MAK16: variants seen among roughly 807,000 people sequenced by gnomAD.
MAK16 encodes the protein MAK16 homolog, also known as protein MAK16 homolog.
MAK16 carries 12 observed loss-of-function variants against 49.9 expected under a neutral mutation model. The observed-to-expected ratio is 0.24, with a 90% CI of 0.15 to 0.39. The LOEUF (loss-of-function observed/expected upper bound fraction) is 0.39, where lower values mean the gene tolerates loss of function less well. Ranked by LOEUF, MAK16 falls within the 10% of genes least tolerant of loss-of-function variation. The probability of loss-of-function intolerance (pLI) is 1.00; values close to 1 mark genes in which losing one functional copy is unlikely to be tolerated. For missense variants in MAK16, 292 were observed against 363.7 expected (o/e 0.80, Z 1.60); for synonymous variants, 115 against 126.4 (o/e 0.91, Z 0.60).
At chr8:33,490,382 C>T (rs749230182) in intron 6 of MAK16, 43 bp downstream of exon 6, 3 of 1,532,308 alleles carry the variant, frequency 2.0e-6, no homozygotes, top group Admixed American at 1.7e-5. Flanking sequence ...CATTTTCTTT[C>T]TGGGGGTCTC....
intron 1 of MAK16, chr8:33,485,658 C>A (rs1050201889): frequency 4.7e-6 from 1 of 211,284 alleles, no homozygotes; most frequent in Admixed American, 5.2e-5. Context: ...ATTTGCTCTA[C>A]TTCTGCCTAA....
rs369140056 is a variant in MAK16, at chr8:33,490,320, G to T, written c.428G>T (p.Arg143Leu). The T allele has an allele frequency of 1.2e-6, 2 of 1,612,922 alleles. No homozygotes were observed. The highest frequency in any genetic ancestry group is 1.7e-6 in the Non-Finnish European group (2 of 1,179,094). ...KLVPLSKKVERREKRREEKAL... is the reference protein window; with the variant it reads ...KLVPLSKKVELREKRREEKAL... ...GTTCCTTTGAGTAAGAAGGTGGAGC[G>T]TAGGGAGAAAAGAAGAGAGGTAACT... is the stretch of plus-strand genomic sequence containing the variant. The change falls in exon 6 of 10, where the codon CGT becomes CTT. Residue 143 changes from arginine (R) to leucine (L), a missense_variant. Coordinates refer to ENST00000360128, the MANE Select transcript of MAK16 (RefSeq NM_032509.4).
Position 33,499,190 on chromosome 8 carries a change from G to A in MAK16, c.*561G>A, listed in dbSNP as rs1227224378. Reference sequence around the variant, plus strand: ...TACAAGTCTTAAGTTCCATTGTAGGGTGCGCCTTCAGAAACCTGCTGCACT... The same window carrying A: ...TACAAGTCTTAAGTTCCATTGTAGGATGCGCCTTCAGAAACCTGCTGCACT... On this transcript the variant is annotated 3_prime_UTR_variant, in exon 10 of 10. Transcript: ENST00000360128. The A allele has an allele frequency of 2.5e-6, 4 of 1,613,588 alleles. No individual in the cohort carries two copies. Among genetic ancestry groups the A allele is most frequent in the Non-Finnish European group, 3.4e-6 (4 of 1,179,664 alleles).
Position 33,495,550 on chromosome 8 carries a change from A to G in MAK16, c.456A>G (p.Ala152=). ...CTCTTTCCCCCTTATAGGAAAAGGC[A>G]TTAATAGCTGCTCAGCTGGACAATG... The part of the protein sequence containing the change: ...ERREKRREEK[A]LIAAQLDNAI... Residue 152 remains alanine (A), a synonymous_variant, in exon 7 of 10, where the codon GCA becomes GCG. Coordinates refer to ENST00000360128, the MANE Select transcript of MAK16 (RefSeq NM_032509.4). 6.2e-7 allele frequency: 1 copy of G among 1,613,686 alleles called. No homozygotes were observed. The highest frequency in any genetic ancestry group is 8.5e-7 in the Non-Finnish European group (1 of 1,179,850).
rs1809023547 is a variant in MAK16 at position 33,500,364 on chromosome 8, C to A, written c.*1735C>A. 1 of 1,614,058 alleles carries A rather than the reference C, an allele frequency of 6.2e-7. No homozygotes were observed. Among genetic ancestry groups the A allele is most frequent in the African/African-American group, 1.3e-5 (1 of 74,932 alleles). On this transcript the variant is annotated 3_prime_UTR_variant, in exon 10 of 10. Coordinates refer to ENST00000360128, the MANE Select transcript of MAK16 (RefSeq NM_032509.4). Reference sequence around the variant, plus strand: ...CTTGAGAACAGCGGTCCAGGAGAATCAGGCAGTCTGTGGCCTCCTGTAGCA... The same window carrying A: ...CTTGAGAACAGCGGTCCAGGAGAATAAGGCAGTCTGTGGCCTCCTGTAGCA...
At chr8:33,491,520 A>G (rs1808778355) in intron 6 of MAK16, among the ~76,000 whole-genome samples, 1 of 151,458 alleles carries the variant, frequency 6.6e-6, no homozygotes, top group Non-Finnish European at 1.5e-5. Context: ...CATTTCTCTG[A>G]TGATCAATGA....
chr8:33,494,580 C>T (rs1014989945), intron 6 of MAK16, among the ~76,000 whole-genome samples: 3 of 152,210 alleles, frequency 2.0e-5, no homozygotes, highest in African/African-American at 7.2e-5. Flanking sequence ...ATATCTGGCT[C>T]ACTGTATCTG....
intron 1 of MAK16, among the ~76,000 whole-genome samples, chr8:33,486,886 AAAG>A (rs2128823152): frequency 6.6e-6 from 1 of 152,338 alleles, no homozygotes; most frequent in Admixed American, 6.5e-5. Context: ...GGTGCTCAGG[AAAG>A]AAGTCTGACC....
intron 6 of MAK16, among the ~76,000 whole-genome samples, chr8:33,493,614 A>C (rs958189398): frequency 6.6e-6 from 1 of 152,018 alleles, no homozygotes; most frequent in African/African-American, 2.4e-5. Context: ...CAAGTACTTT[A>C]ATTTTTCATT....
Position 33,496,749 on chromosome 8 carries a change from T to A in MAK16, c.639+8T>A, listed in dbSNP as rs1348604966. The A allele has an allele frequency of 1.3e-6, 2 of 1,590,244 alleles. No homozygotes were observed. The highest frequency in any genetic ancestry group is 1.7e-6 in the Non-Finnish European group (2 of 1,165,664). ...GATGATGATGATGAGGAAGTAAGTC[T>A]TGTTTTTGTTTTGCCAAACCTACTA... is the stretch of plus-strand genomic sequence containing the variant. On this transcript the variant is annotated splice_region_variant and intron_variant, in intron 8 of 9. Coordinates refer to ENST00000360128, the MANE Select transcript of MAK16 (RefSeq NM_032509.4).
rs1234344392 is a variant in MAK16 at position 33,498,594 on chromosome 8, G to A, written c.868G>A (p.Glu290Lys). The part of the protein sequence containing the change: ...RAYVEIEYEQ[E>K]TEPVAKAKTT ...CTATGTGGAAATAGAATACGAGCAG[G>A]AGACAGAGCCCGTGGCCAAAGCCAA... Residue 290 changes from glutamate (E) to lysine (K), a missense_variant, in exon 10 of 10, where the codon GAG (glutamate) becomes AAG (lysine). Transcript: ENST00000360128. 1 of 1,613,908 alleles carries A rather than the reference G, an allele frequency of 6.2e-7. No individual in the cohort carries two copies. The highest frequency in any genetic ancestry group is 1.7e-5 in the Admixed American group (1 of 60,008).
intron 6 of MAK16, among the ~76,000 whole-genome samples, chr8:33,494,927 C>T (rs1030832334): frequency 6.6e-6 from 1 of 152,154 alleles, no homozygotes; most frequent in African/African-American, 2.4e-5. Flanking sequence ...TATAGGCGCC[C>T]GCTAACATGC....
At chr8:33,485,317 G>T in intron 1 of MAK16, 96 bp downstream of exon 1, 1 of 1,511,722 alleles carries the variant, frequency 6.6e-7, no homozygotes, top group African/African-American at 1.4e-5. Flanking sequence ...CGGGTCTGTT[G>T]CCTCGTGCCG....
intron 6 of MAK16, among the ~76,000 whole-genome samples, chr8:33,491,429 T>C (rs1808776120): frequency 1.3e-5 from 2 of 152,170 alleles, no homozygotes; most frequent in Admixed American, 1.3e-4. Context: ...CTCCACATCC[T>C]CTCTAGCATT....
Position 33,498,531 on chromosome 8 carries a change from A to C in MAK16, c.805A>C (p.Lys269Gln). ...EKALSAKHKGKMPLRGPLQRK... is the reference protein window; with the variant it reads ...EKALSAKHKGQMPLRGPLQRK... ...GGCCCTTAGTGCGAAACACAAAGGC[A>C]AAATGCCCTTGAGAGGACCACTGCA... Residue 269 changes from lysine to glutamine, a missense_variant, in exon 10 of 10, where the codon AAA becomes CAA. Lys to Gln is a moderately conservative substitution (Grantham distance 53). Coordinates refer to ENST00000360128, the MANE Select transcript of MAK16 (RefSeq NM_032509.4). 6.2e-7 allele frequency: 1 copy of C among 1,614,150 alleles called. No individual in the cohort carries two copies. Among genetic ancestry groups the C allele is most frequent in the Non-Finnish European group, 8.5e-7 (1 of 1,180,002 alleles).
rs368851221 is a variant in MAK16 at position 33,498,733 on chromosome 8, G to A, written c.*104G>A. On this transcript the variant is annotated 3_prime_UTR_variant, in exon 10 of 10. Transcript: ENST00000360128. ...CCTCCAGTTTTTGCTCTTTTGTGTTGTACTGAACACAATATTTGTGTTTTT... is the reference window on the plus strand; with the variant it reads ...CCTCCAGTTTTTGCTCTTTTGTGTTATACTGAACACAATATTTGTGTTTTT... The A allele has an allele frequency of 5.5e-6, 5 of 913,402 alleles. No homozygotes were observed. In the South Asian group the frequency reaches 8.6e-5, roughly 16 times the overall value. The allele number at this position is 913,402 out of a possible 1,614,324, so 56.6% of individuals were successfully genotyped here.
intron 1 of MAK16, among the ~76,000 whole-genome samples, chr8:33,487,422 T>A (rs1372151515): frequency 1.5e-5 from 2 of 129,172 alleles, no homozygotes; most frequent in Non-Finnish European, 3.3e-5. Context: ...TCTAATACCA[T>A]GAAGCCTTTT....
In MAK16 at chr8:33,499,308, T is replaced by TA. The variant is rs200510850; in HGVS notation, c.*679_*680insA. On this transcript the variant is annotated 3_prime_UTR_variant, in exon 10 of 10. Coordinates refer to ENST00000360128, the MANE Select transcript of MAK16 (RefSeq NM_032509.4). The stretch of plus-strand genomic sequence containing the variant: ...ACATGAAACCAAACAGGCTTTGATA[T>TA]TTTTTTTTTTTTAATTACTTTCCCC... 4.3e-4 allele frequency: 184 copies of TA among 432,298 alleles called. No individual in the cohort carries two copies. Among genetic ancestry groups the TA allele is most frequent in the Middle Eastern group, 7.9e-4 (2 of 2,522 alleles). 26.8% of individuals were successfully genotyped at this position (432,298 alleles called of 1,614,324 possible).
Position 33,500,292 on chromosome 8 carries a change from G to T in MAK16, c.*1663G>T. The T allele has an allele frequency of 6.2e-7, 1 of 1,612,808 alleles. No individual in the cohort carries two copies. The highest frequency in any genetic ancestry group is 1.1e-5 in the South Asian group (1 of 90,932). ...ATCATGGGAATTACATAAGGATAAT[G>T]AGGCCCAACTGAAACCAAGTTTCAG... On this transcript the variant is annotated 3_prime_UTR_variant, in exon 10 of 10. Transcript: ENST00000360128.
Sources: gnomAD v4.1 joint callset for allele counts (sites outside exome capture counted in the v4.1 genomes callset) on GRCh38, gnomAD v4.1.1 for gene constraint, MANE v1.5 for transcripts, NCBI Gene and HGNC (gene_info 2026-07-23, HGNC 2026-07-21) for gene names.